ARHGAP22: variants seen among roughly 807,000 people sequenced by gnomAD.
ARHGAP22 encodes the protein rho GTPase-activating protein 22.
ARHGAP22 carries 48 observed loss-of-function variants against 59.1 expected under a neutral mutation model. The observed-to-expected ratio is 0.81, with a 90% confidence interval of 0.64 to 1.03. ARHGAP22 has a LOEUF of 1.03. ARHGAP22 is among the 50% of genes least tolerant of loss of function. The pLI is 0.00. For missense variants in ARHGAP22, 1,015 were observed against 958.7 expected (o/e 1.06, Z -0.78); for synonymous variants, 445 against 416.4 (o/e 1.07, Z -0.84).
intron 1 of ARHGAP22, among the ~76,000 whole-genome samples, chr10:48,636,824 G>A (rs545583713): frequency 4.2e-4 from 64 of 152,216 alleles, no homozygotes; most frequent in Non-Finnish European, 7.5e-4. Context: ...CAGAGTGCTG[G>A]GAGGGAAGTC....
intron 2 of ARHGAP22, among the ~76,000 whole-genome samples, chr10:48,570,947 C>G (rs761056464): frequency 2.3e-4 from 35 of 152,218 alleles, no homozygotes; most frequent in Non-Finnish European, 5.0e-4. Context: ...CTGGCCAGAC[C>G]TCCAGAGCAT....
chr10:48,485,586 G>T (rs960327998), intron 3 of ARHGAP22, among the ~76,000 whole-genome samples: 2 of 152,190 alleles, frequency 1.3e-5, no homozygotes, highest in Admixed American at 1.3e-4. Flanking sequence ...ATTATTGAGA[G>T]AAGGCTATTC....
chr10:48,518,900 G>C (rs188025471), intron 3 of ARHGAP22, among the ~76,000 whole-genome samples: 1 of 152,322 alleles, frequency 6.6e-6, no homozygotes, highest in Non-Finnish European at 1.5e-5. Flanking sequence ...GCAAATTGGA[G>C]GAAAAGGATG....
At chr10:48,645,232 T>C (rs571469412) in intron 1 of ARHGAP22, among the ~76,000 whole-genome samples, 1 of 152,252 alleles carries the variant, frequency 6.6e-6, no homozygotes, top group South Asian at 2.1e-4. Context: ...ACAACATTTT[T>C]CAGAAAATGA....
intron 1 of ARHGAP22, among the ~76,000 whole-genome samples, chr10:48,638,252 G>C (rs992035288): frequency 1.3e-5 from 2 of 152,170 alleles, no homozygotes; most frequent in Non-Finnish European, 2.9e-5. Flanking sequence ...GCCACGGGGA[G>C]ATTCTTGGGG....
Position 48,604,752 on chromosome 10 carries a change from G to T in ARHGAP22, c.34+11C>A. 6.2e-7 allele frequency: 1 copy of T among 1,614,248 alleles called. No homozygotes were observed. Among genetic ancestry groups the T allele is most frequent in the Non-Finnish European group, 8.5e-7 (1 of 1,180,048 alleles). On this transcript the variant is annotated intron_variant, in intron 1 of 9. Coordinates refer to ENST00000249601, the MANE Select transcript of ARHGAP22 (RefSeq NM_021226.4). ...GCGGTGCCCAGAGAAACCCCAGAAA[G>T]TTGGACTTACCCCTCCTGGCCTGCC...
rs149953815 is a variant in ARHGAP22 at position 48,543,514 on chromosome 10, A to G, written c.322+11949T>C. On this transcript the variant is annotated intron_variant, in intron 3 of 9. Coordinates refer to ENST00000249601, the MANE Select transcript of ARHGAP22 (RefSeq NM_021226.4). The stretch of plus-strand genomic sequence containing the variant: ...ATTTAAAAAAAGGAAAAAAAGTGCC[A>G]TTAAAGGGATTAAGTATAAAGTTTT... Among the ~76,000 whole-genome samples the G allele has an allele frequency of 9.8e-4, 150 of 152,368 alleles. 1 individual carries two copies. In the East Asian group the frequency reaches 0.024, roughly 24 times the overall value.
intron 2 of ARHGAP22, among the ~76,000 whole-genome samples, chr10:48,581,594 A>G (rs1303456909): frequency 6.6e-6 from 1 of 152,158 alleles, no homozygotes; most frequent in Non-Finnish European, 1.5e-5. Flanking sequence ...CATCTGTGCT[A>G]TTATTTGTGT....
chr10:48,626,866 G>A (rs2061467939), intron 1 of ARHGAP22, among the ~76,000 whole-genome samples: 1 of 152,200 alleles, frequency 6.6e-6, no homozygotes, highest in Non-Finnish European at 1.5e-5. Flanking sequence ...TGGGAGAGTG[G>A]GAACTGGCTG....
chr10:48,628,022 A>T (rs1268962543), intron 1 of ARHGAP22, among the ~76,000 whole-genome samples: 1 of 152,242 alleles, frequency 6.6e-6, no homozygotes, highest in Admixed American at 6.5e-5. Flanking sequence ...TGAGACTCAA[A>T]GAAAGGAGGG....
intron 9 of ARHGAP22, among the ~76,000 whole-genome samples, chr10:48,447,085 TG>T (rs925162301): frequency 6.6e-6 from 1 of 152,158 alleles, no homozygotes; most frequent in Non-Finnish European, 1.5e-5. Flanking sequence ...GAAGATCCTG[TG>T]GGGTAGTCAC....
At chr10:48,462,065 C>G (rs1271915886) in intron 4 of ARHGAP22, among the ~76,000 whole-genome samples, 1 of 152,206 alleles carries the variant, frequency 6.6e-6, no homozygotes, top group Non-Finnish European at 1.5e-5. Context: ...GAACACATGC[C>G]CGCGTGGGCT....
At chr10:48,586,073 A>C (rs1047997612) in intron 1 of ARHGAP22, among the ~76,000 whole-genome samples, 4 of 152,028 alleles carry the variant, frequency 2.6e-5, no homozygotes, top group Admixed American at 6.5e-5. Context: ...GCACTTGTTC[A>C]TGTGGATTTA....
intron 3 of ARHGAP22, among the ~76,000 whole-genome samples, chr10:48,496,034 C>A (rs2050890209): frequency 6.6e-6 from 1 of 152,136 alleles, no homozygotes; most frequent in Admixed American, 6.5e-5. Context: ...GCAGCCAATT[C>A]TGTGATGAGC....
chr10:48,634,348 C>T (rs955749424), intron 1 of ARHGAP22, among the ~76,000 whole-genome samples: 8 of 152,210 alleles, frequency 5.3e-5, no homozygotes, highest in Non-Finnish European at 1.2e-4. Context: ...AAGTGCTCTG[C>T]CCCCACAGAG....
intron 3 of ARHGAP22, among the ~76,000 whole-genome samples, chr10:48,543,501 G>GA (rs1352209348): frequency 1.3e-5 from 2 of 152,004 alleles, no homozygotes; most frequent in African/African-American, 4.8e-5. Flanking sequence ...TTAAAAAAAG[G>GA]AAAAAAAGTG....
At chr10:48,582,844 T>C (rs2059198907) in intron 2 of ARHGAP22, 109 bp downstream of exon 2, 2 of 1,281,160 alleles carry the variant, frequency 1.6e-6, no homozygotes, top group Non-Finnish European at 1.1e-6. Context: ...AAAACATCAC[T>C]GTGATGGAGT....
intron 6 of ARHGAP22, among the ~76,000 whole-genome samples, 194 bp downstream of exon 6, chr10:48,454,808 C>T (rs1254327292): frequency 6.6e-6 from 1 of 151,818 alleles, no homozygotes; most frequent in Admixed American, 6.6e-5. Flanking sequence ...CCCTCCCCGA[C>T]CTGAGCAGGA....
intron 3 of ARHGAP22, among the ~76,000 whole-genome samples, chr10:48,497,445 C>T (rs2051052975): frequency 6.6e-6 from 1 of 152,106 alleles, no homozygotes; most frequent in South Asian, 2.1e-4. Flanking sequence ...GTTTTTATTG[C>T]CATAAATGCA....
Sources: gnomAD v4.1 joint callset for allele counts (sites outside exome capture counted in the v4.1 genomes callset) on GRCh38, gnomAD v4.1.1 for gene constraint, MANE v1.5 for transcripts, NCBI Gene and HGNC (gene_info 2026-07-23, HGNC 2026-07-21) for gene names.